The following NUDT13 variants were observed in gnomAD, a reference collection of about 807,000 sequenced individuals.
NUDT13 encodes the protein NAD(P)H pyrophosphatase NUDT13, mitochondrial.
In NUDT13, 40 loss-of-function variants were observed where a neutral mutation model predicts 41.7. That is an observed-to-expected ratio of 0.96 (90% CI 0.75 to 1.25). NUDT13 has a LOEUF of 1.25. Ranked by LOEUF, NUDT13 falls within the 50% of genes most tolerant of loss-of-function variation. The pLI is 0.00. For missense variants in NUDT13, 390 were observed against 416.1 expected (o/e 0.94, Z 0.55); for synonymous variants, 145 against 155.5 (o/e 0.93, Z 0.50).
intron 2 of NUDT13, among the ~76,000 whole-genome samples, chr10:73,116,691 G>T (rs1024491817): frequency 6.6e-6 from 1 of 151,784 alleles, no homozygotes; most frequent in African/African-American, 2.4e-5. Context: ...GCAATAAGCC[G>T]AGATCGTGTC....
intron 1 of NUDT13, among the ~76,000 whole-genome samples, chr10:73,113,350 C>G (rs905515433): frequency 6.6e-6 from 1 of 152,120 alleles, no homozygotes; most frequent in Non-Finnish European, 1.5e-5. Context: ...TCCAAATCAA[C>G]CTGTAAAAAT....
At chr10:73,119,115 T>C (rs562810531) in intron 2 of NUDT13, among the ~76,000 whole-genome samples, 4 of 152,072 alleles carry the variant, frequency 2.6e-5, no homozygotes, top group Admixed American at 6.5e-5. Flanking sequence ...GCGTGATCTC[T>C]GCTTACTGCA....
chr10:73,123,048 G>A lies in NUDT13; in HGVS notation c.358+739G>A, dbSNP rs528738286. Among the ~76,000 whole-genome samples the A allele has an allele frequency of 2.8e-4, 42 of 151,754 alleles. 1 individual carries two copies. Among genetic ancestry groups the A allele is most frequent in the Non-Finnish European group, 4.4e-4 (30 of 67,928 alleles). Reference sequence around the variant, plus strand: ...CCCTATTAGCTGGGATTACAGGCACGTGCCACCATGCCCGGCTAGTTTTGT... The same window carrying A: ...CCCTATTAGCTGGGATTACAGGCACATGCCACCATGCCCGGCTAGTTTTGT... On this transcript the variant is annotated intron_variant, in intron 4 of 8. Transcript: ENST00000357321.
chr10:73,125,860 A>G (rs1434765988), intron 7 of NUDT13, among the ~76,000 whole-genome samples: 1 of 151,562 alleles, frequency 6.6e-6, no homozygotes, highest in Non-Finnish European at 1.5e-5. Context: ...AATTTTTAAA[A>G]TTTTTTGTAG....
At chr10:73,125,069 A>G in intron 5 of NUDT13, 49 bp from the exon 6 acceptor site, 2 of 1,554,450 alleles carry the variant, frequency 1.3e-6, no homozygotes, top group Admixed American at 2.0e-5. Flanking sequence ...GTTAAAGATG[A>G]GCCCCGCATT....
chr10:73,118,000 C>A (rs757768494), intron 2 of NUDT13, among the ~76,000 whole-genome samples: 6 of 152,162 alleles, frequency 3.9e-5, no homozygotes, highest in Non-Finnish European at 7.4e-5. Context: ...CAGTGAGGCC[C>A]TGGGTCTAAG....
At chr10:73,127,979 C>G (rs1842833761) in intron 8 of NUDT13, among the ~76,000 whole-genome samples, 2 of 152,100 alleles carry the variant, frequency 1.3e-5, no homozygotes, top group African/African-American at 4.8e-5. Flanking sequence ...ATTCTACTCT[C>G]TGCTTCTGTA....
At chr10:73,123,219 A>AAC (rs1842690137) in intron 4 of NUDT13, among the ~76,000 whole-genome samples, 4 of 152,136 alleles carry the variant, frequency 2.6e-5, no homozygotes, top group Admixed American at 2.0e-4. Flanking sequence ...ATATTTCAGT[A>AAC]TTTCATAAGA....
intron 1 of NUDT13, among the ~76,000 whole-genome samples, chr10:73,113,557 C>A (rs1475818633): frequency 6.6e-6 from 1 of 152,180 alleles, no homozygotes; most frequent in Non-Finnish European, 1.5e-5. Flanking sequence ...TTTCTCTCTC[C>A]TGCTAGAGTT....
chr10:73,112,328 G>C (rs748738040), intron 1 of NUDT13, among the ~76,000 whole-genome samples: 6 of 151,786 alleles, frequency 4.0e-5, no homozygotes, highest in Admixed American at 3.3e-4. Context: ...ACTCCAGCCC[G>C]GGCAACAAGA....
At chr10:73,119,698 C>T (rs1405173232) in intron 2 of NUDT13, among the ~76,000 whole-genome samples, 2 of 152,136 alleles carry the variant, frequency 1.3e-5, no homozygotes, top group African/African-American at 4.8e-5. Flanking sequence ...ATTCAATATG[C>T]TAACTACAGA....
Position 73,120,086 on chromosome 10 carries a change from T to G in NUDT13, c.152T>G (p.Leu51Arg). 1.2e-6 allele frequency: 2 copies of G among 1,614,192 alleles called. No individual in the cohort carries two copies. The highest frequency in any genetic ancestry group is 8.5e-7 in the Non-Finnish European group (1 of 1,180,014). Reference protein sequence around the residue: ...KKAQQTGAFYLFHSLAPLLQT... With the variant: ...KKAQQTGAFYRFHSLAPLLQT... ...GCCCAGCAAACAGGAGCGTTTTACC[T>G]CTTTCATAGTCTGGCTCCTCTGCTT... Residue 51 changes from leucine to arginine, a missense_variant, in exon 3 of 9, where the codon CTC (leucine) becomes CGC (arginine). Transcript: ENST00000357321.
In NUDT13 at chr10:73,124,326, T is replaced by A. The variant is rs771761755; in HGVS notation, c.465+6T>A. 8.2e-6 allele frequency: 13 copies of A among 1,588,224 alleles called. No individual in the cohort carries two copies. Among genetic ancestry groups the A allele is most frequent in the Non-Finnish European group, 1.0e-5 (12 of 1,157,884 alleles). On this transcript the variant is annotated splice_donor_region_variant and intron_variant, in intron 5 of 8. Transcript: ENST00000357321. ...ATGCCTCCTTGCTGTCCACGGTAGA[T>A]TCTGATTTCTCATTCTGTAGGAAAT... is the stretch of plus-strand genomic sequence containing the variant.
intron 5 of NUDT13, chr10:73,124,886 AAATAAT>A (rs912898140): frequency 2.1e-5 from 9 of 437,056 alleles, no homozygotes; most frequent in Non-Finnish European, 3.6e-5. Flanking sequence ...CATATGTTTT[AAATAAT>A]AATACATTTA....
intron 7 of NUDT13, 39 bp from the exon 8 acceptor site, chr10:73,126,634 G>C (rs760145111): frequency 1.2e-6 from 2 of 1,607,242 alleles, no homozygotes. Flanking sequence ...CACCCTTCTA[G>C]CCTACAGGGC....
At chr10:73,117,033 C>T (rs189047490) in intron 2 of NUDT13, among the ~76,000 whole-genome samples, 100 of 150,474 alleles carry the variant, frequency 6.6e-4, no homozygotes, top group Middle Eastern at 3.5e-3. Flanking sequence ...CTAAGGCACA[C>T]GCCACCACGC....
chr10:73,120,390 G>A (rs142613784), intron 3 of NUDT13, among the ~76,000 whole-genome samples: 1 of 152,286 alleles, frequency 6.6e-6, no homozygotes, highest in African/African-American at 2.4e-5. Flanking sequence ...CCTTAAACCA[G>A]GGGTTGGTAA....
At chr10:73,121,670 C>T (rs1247257752) in intron 3 of NUDT13, among the ~76,000 whole-genome samples, 3 of 152,094 alleles carry the variant, frequency 2.0e-5, no homozygotes, top group African/African-American at 7.2e-5. Context: ...GAGATCCTCC[C>T]ATCTCTGCCT....
intron 2 of NUDT13, chr10:73,114,954 G>C (rs960304840): frequency 6.6e-6 from 1 of 152,020 alleles, no homozygotes; most frequent in Non-Finnish European, 1.5e-5. Flanking sequence ...ATTTCTACAT[G>C]GTTGTCAATC....
Sources: gnomAD v4.1 joint callset for allele counts (sites outside exome capture counted in the v4.1 genomes callset) on GRCh38, gnomAD v4.1.1 for gene constraint, MANE v1.5 for transcripts, NCBI Gene and HGNC (gene_info 2026-07-23, HGNC 2026-07-21) for gene names.